PPP2CB: variants seen among roughly 807,000 people sequenced by gnomAD.
PPP2CB encodes the protein protein phosphatase 2 catalytic subunit beta, also known as serine/threonine-protein phosphatase 2A catalytic subunit beta isoform.
Under a neutral mutation model 39.1 loss-of-function variants are expected in PPP2CB, and 18 were observed. The ratio of observed to expected loss-of-function variants is 0.46; its 90% CI spans 0.32 to 0.68. PPP2CB has a LOEUF of 0.68. Among genes scored for constraint, PPP2CB ranks in the 30% least tolerant of loss-of-function variants. The probability of loss-of-function intolerance (pLI) is 0.04; values close to 1 mark genes in which losing one functional copy is unlikely to be tolerated. For missense variants in PPP2CB, 226 were observed against 396.9 expected (o/e 0.57, Z 3.66); for synonymous variants, 129 against 133.8 (o/e 0.96, Z 0.25).
chr8:30,806,140 T>A (rs981703620), intron 1 of PPP2CB, among the ~76,000 whole-genome samples: 3 of 151,060 alleles, frequency 2.0e-5, no homozygotes, highest in Non-Finnish European at 4.4e-5. Context: ...CTCTGCCTCC[T>A]GGGTTCACGC....
At chr8:30,810,429 C>CG (rs1806806437) in intron 1 of PPP2CB, among the ~76,000 whole-genome samples, 1 of 152,106 alleles carries the variant, frequency 6.6e-6, no homozygotes, top group African/African-American at 2.4e-5. Flanking sequence ...CCAGTCTGGG[C>CG]GACAGACTGA....
At chr8:30,802,333 A>T (rs1184740048) in intron 1 of PPP2CB, among the ~76,000 whole-genome samples, 1 of 152,174 alleles carries the variant, frequency 6.6e-6, no homozygotes, top group Non-Finnish European at 1.5e-5. Context: ...CACCACAAAC[A>T]TTCTGCACAC....
intron 1 of PPP2CB, among the ~76,000 whole-genome samples, chr8:30,804,899 AAAAG>A (rs1806693379): frequency 6.6e-6 from 1 of 152,188 alleles, no homozygotes; most frequent in Non-Finnish European, 1.5e-5. Flanking sequence ...TATTAAAAAA[AAAAG>A]AGTCTCTTGA....
chr8:30,799,926 A>G (rs766328544), intron 1 of PPP2CB, among the ~76,000 whole-genome samples, 171 bp from the exon 2 acceptor site: 10 of 152,244 alleles, frequency 6.6e-5, no homozygotes, highest in South Asian at 6.2e-4. Flanking sequence ...AAGACAGTTA[A>G]TAAGTGTTGC....
At chr8:30,799,848 G>GTGAAAA (rs1806591706) in intron 1 of PPP2CB, 93 bp from the exon 2 acceptor site, 1 of 1,110,518 alleles carries the variant, frequency 9.0e-7, no homozygotes, top group African/African-American at 1.6e-5. Flanking sequence ...CTTGAAAAGT[G>GTGAAAA]CCTTATAAAA....
chr8:30,812,400 T>C lies in PPP2CB; in HGVS notation c.22A>G (p.Lys8Glu). 6.5e-7 allele frequency: 1 copy of C among 1,541,174 alleles called. No individual in the cohort carries two copies. The highest frequency in any genetic ancestry group is 1.4e-5 in the African/African-American group (1 of 70,896). Residue 8 changes from lysine (K) to glutamate (E), a missense_variant, in exon 1 of 7, where the codon AAG becomes GAG. Lys to Glu is a moderately conservative substitution (Grantham distance 56). Coordinates refer to ENST00000221138, the MANE Select transcript of PPP2CB (RefSeq NM_001009552.2). ...TGCTCGACCCACTGGTCCAGCTCCT[T>C]GGTGAACGCCTTGTCGTCCATGGCG... is the stretch of plus-strand genomic sequence containing the variant. Reference protein sequence around the residue: MDDKAFTKELDQWVEQLN... With the variant: MDDKAFTEELDQWVEQLN...
At chr8:30,800,829 A>C (rs577006693) in intron 1 of PPP2CB, among the ~76,000 whole-genome samples, 3 of 152,320 alleles carry the variant, frequency 2.0e-5, no homozygotes, top group Non-Finnish European at 4.4e-5. Flanking sequence ...AGAAACAGAA[A>C]ACCACGAAAG....
intron 1 of PPP2CB, among the ~76,000 whole-genome samples, chr8:30,811,341 C>G (rs751561093): frequency 9.2e-5 from 14 of 152,168 alleles, no homozygotes; most frequent in South Asian, 2.1e-4. Flanking sequence ...AACTTAAGAT[C>G]GGCTCTCGTT....
At chr8:30,805,916 T>G (rs1223853743) in intron 1 of PPP2CB, among the ~76,000 whole-genome samples, 1 of 152,162 alleles carries the variant, frequency 6.6e-6, no homozygotes, top group Non-Finnish European at 1.5e-5. Flanking sequence ...CAAGGAATGA[T>G]GATAAATATT....
intron 1 of PPP2CB, among the ~76,000 whole-genome samples, chr8:30,806,124 T>C (rs1806721128): frequency 6.6e-6 from 1 of 151,070 alleles, no homozygotes; most frequent in African/African-American, 2.4e-5. Context: ...CTCGGCTCAC[T>C]GCAAGCTCTG....
chr8:30,792,633 T>A (rs568065555), intron 5 of PPP2CB, among the ~76,000 whole-genome samples: 88 of 150,718 alleles, frequency 5.8e-4, no homozygotes, highest in South Asian at 5.5e-3. Context: ...TTTTTTTTTT[T>A]TATATAGAGA....
Position 30,785,968 on chromosome 8 carries a change from A to G in PPP2CB, c.*267T>C, listed in dbSNP as rs141565242. 6.8e-6 allele frequency: 4 copies of G among 590,832 alleles called. No individual in the cohort carries two copies. Among genetic ancestry groups the G allele is most frequent in the Non-Finnish European group, 1.3e-5 (4 of 315,886 alleles). 36.6% of individuals were successfully genotyped at this position (590,832 alleles called of 1,614,324 possible). A position where few individuals can be genotyped will look rare whatever the true frequency, so the allele number is the denominator to read the frequency against. ...GCAGTTAGTTACCTTTTTTGCTTGA[A>G]CAGTCCAAAGGAAAATGGTTACTAT... On this transcript the variant is annotated 3_prime_UTR_variant, in exon 7 of 7. Transcript: ENST00000221138.
intron 5 of PPP2CB, chr8:30,791,603 T>G (rs766876721): frequency 4.7e-6 from 1 of 211,712 alleles, no homozygotes; most frequent in Non-Finnish European, 9.2e-6. Context: ...CAATCATAAT[T>G]AATTTCTCAA....
intron 1 of PPP2CB, among the ~76,000 whole-genome samples, chr8:30,809,531 T>C (rs1586129227): frequency 6.6e-6 from 1 of 151,586 alleles, no homozygotes; most frequent in African/African-American, 2.4e-5. Flanking sequence ...TAGAGAGAAA[T>C]GAGTATTATC....
chr8:30,789,497 C>A (rs1806396326), intron 6 of PPP2CB, among the ~76,000 whole-genome samples: 1 of 152,188 alleles, frequency 6.6e-6, no homozygotes, highest in Non-Finnish European at 1.5e-5. Context: ...AGATTGCTAT[C>A]AAAGCTGAAG....
intron 2 of PPP2CB, among the ~76,000 whole-genome samples, chr8:30,798,063 A>C (rs1806555602): frequency 6.6e-6 from 1 of 152,174 alleles, no homozygotes; most frequent in African/African-American, 2.4e-5. Context: ...TCATCATCAA[A>C]TTATTACTAC....
intron 1 of PPP2CB, chr8:30,810,169 C>G (rs1017919594): frequency 6.6e-6 from 1 of 152,186 alleles, no homozygotes; most frequent in African/African-American, 2.4e-5. Flanking sequence ...ATTAGAAAGT[C>G]AATAGGGGCT....
chr8:30,789,923 C>T (rs538312916), intron 6 of PPP2CB, among the ~76,000 whole-genome samples: 1 of 152,284 alleles, frequency 6.6e-6, no homozygotes, highest in Admixed American at 6.5e-5. Flanking sequence ...TCCTTCCTAG[C>T]CTCTCCCTAG....
At chr8:30,791,854 GTGTA>G (rs1806436178) in intron 5 of PPP2CB, among the ~76,000 whole-genome samples, 1 of 149,444 alleles carries the variant, frequency 6.7e-6, no homozygotes, top group African/African-American at 2.5e-5. Flanking sequence ...GTATATATAC[GTGTA>G]TATATGTATA....
Sources: allele counts gnomAD v4.1 joint callset (sites outside exome capture counted in the v4.1 genomes callset), GRCh38; gene constraint gnomAD v4.1.1; transcripts MANE v1.5; gene names NCBI Gene and HGNC (gene_info 2026-07-23, HGNC 2026-07-21).